The following NCBP3 variants were observed in gnomAD, a reference collection of about 807,000 sequenced individuals.
NCBP3 encodes the protein nuclear cap-binding protein subunit 3.
A neutral mutation model predicts 75.7 loss-of-function variants in NCBP3; 20 were observed. The observed-to-expected ratio is 0.26, with a 90% confidence interval of 0.19 to 0.38. The LOEUF (loss-of-function observed/expected upper bound fraction) is 0.38, where lower values mean the gene tolerates loss of function less well. NCBP3 is among the 10% of genes least tolerant of loss of function. The pLI is 1.00. For missense variants in NCBP3, 678 were observed against 796.9 expected, an observed-to-expected ratio of 0.85 and a Z score of 1.80; for synonymous variants, 293 against 290.5, an observed-to-expected ratio of 1.01 and a Z score of -0.09.
At chr17:3,822,114 T>C in intron 7 of NCBP3, 62 bp from the exon 8 acceptor site, 1 of 1,167,144 alleles carries the variant, frequency 8.6e-7, no homozygotes, top group Non-Finnish European at 1.3e-6. Flanking sequence ...ATGTTGAATT[T>C]TTTTTTTAAT....
At chr17:3,815,379 G>A (rs866259425) in intron 11 of NCBP3, among the ~76,000 whole-genome samples, 7 of 152,252 alleles carry the variant, frequency 4.6e-5, no homozygotes, top group Middle Eastern at 6.8e-3. Context: ...ACGGCTCTGC[G>A]TCCCCTCCAA....
Position 3,832,548 on chromosome 17 carries a change from T to G in NCBP3, c.356-3180A>C, listed in dbSNP as rs76369071. On this transcript the variant is annotated intron_variant, in intron 3 of 12. Transcript: ENST00000389005. The stretch of plus-strand genomic sequence containing the variant: ...CGGGAGGCTGAGGCAGGAGAATCAC[T>G]TGAACCCGGGAGGCGGAGGTTGCAG... 3.8e-3 allele frequency among the ~76,000 whole-genome samples: 249 copies of G among 65,462 alleles called. 58 individuals carry two copies. The highest frequency in any genetic ancestry group is 0.024 in the Middle Eastern group (2 of 84). 42.9% of individuals were successfully genotyped at this position (65,462 alleles called of 152,430 possible). A position where few individuals can be genotyped will look rare whatever the true frequency, so the allele number is the denominator to read the frequency against.
At chr17:3,840,293 T>C (rs772623371) in intron 2 of NCBP3, 88 bp from the exon 3 acceptor site, 5 of 1,064,822 alleles carry the variant, frequency 4.7e-6, no homozygotes, top group Non-Finnish European at 7.0e-6. Flanking sequence ...GTGACAAACC[T>C]GAACTAAAAA....
intron 10 of NCBP3, among the ~76,000 whole-genome samples, chr17:3,816,554 C>T (rs922118508): frequency 1.3e-5 from 2 of 152,208 alleles, no homozygotes; most frequent in African/African-American, 4.8e-5. Context: ...CTGGGACAAA[C>T]GTTAAGTAGA....
At chr17:3,819,064 T>C (rs1405255874) in intron 9 of NCBP3, among the ~76,000 whole-genome samples, 2 of 152,114 alleles carry the variant, frequency 1.3e-5, no homozygotes, top group East Asian at 3.9e-4. Flanking sequence ...CTGTGCCTGC[T>C]GCTAGTGATT....
chr17:3,840,033 A>G (rs1462569270), intron 3 of NCBP3, 67 bp downstream of exon 3: 3 of 1,226,348 alleles, frequency 2.4e-6, no homozygotes, highest in African/African-American at 1.5e-5. Flanking sequence ...CAGAAGCATG[A>G]GGTGATGGCA....
Position 3,808,246 on chromosome 17 carries a change from A to G in NCBP3, c.*4798T>C, listed in dbSNP as rs1228871506. 1.3e-5 allele frequency: 2 copies of G among 152,262 alleles called. No homozygotes were observed. Among genetic ancestry groups the G allele is most frequent in the East Asian group, 1.9e-4 (1 of 5,204 alleles). The allele number at this position is 152,262 out of a possible 1,614,324, so 9.4% of individuals were successfully genotyped here. On this transcript the variant is annotated 3_prime_UTR_variant, in exon 13 of 13. Coordinates refer to ENST00000389005, the MANE Select transcript of NCBP3 (RefSeq NM_001114118.3). ...CAATCACTTCACCTGGTACTCAACCAAACAGTAATGTGTTCCCACATGGGC... is the reference window on the plus strand; with the variant it reads ...CAATCACTTCACCTGGTACTCAACCGAACAGTAATGTGTTCCCACATGGGC...
chr17:3,825,148 A>G, intron 6 of NCBP3, 98 bp from the exon 7 acceptor site: 1 of 619,424 alleles, frequency 1.6e-6, no homozygotes, highest in Non-Finnish European at 2.7e-6. Context: ...TACCTTTAAT[A>G]CTTACAAGCA....
intron 2 of NCBP3, among the ~76,000 whole-genome samples, chr17:3,842,806 C>T (rs1272470153): frequency 6.6e-6 from 1 of 152,088 alleles, no homozygotes; most frequent in East Asian, 1.9e-4. Flanking sequence ...CTACCACACC[C>T]GACTAATTTT....
chr17:3,846,023 C>G lies in NCBP3; in HGVS notation c.183+18G>C, dbSNP rs749702089. 1.4e-5 allele frequency: 22 copies of G among 1,545,180 alleles called. No individual in the cohort carries two copies. The African/African-American group carries it at 1.7e-4, about 12-fold the overall frequency. On this transcript the variant is annotated intron_variant, in intron 1 of 12. Transcript: ENST00000389005. This position sits in a 1 kb window ranked among gnomAD's most constrained non-coding sequence, Gnocchi z 4.6. ...TAGCCCCGCGACCTCTTCCTTACCC[C>G]CCGACCCCCGCCCGTACCGGGATCA...
chr17:3,834,247 T>G (rs978649693), intron 3 of NCBP3, among the ~76,000 whole-genome samples: 1 of 152,158 alleles, frequency 6.6e-6, no homozygotes, highest in African/African-American at 2.4e-5. Flanking sequence ...GACCATAGAC[T>G]GTCCAGGGAA....
chr17:3,813,460 G>A (rs973496166), intron 12 of NCBP3, among the ~76,000 whole-genome samples, 181 bp from the exon 13 acceptor site: 13 of 152,192 alleles, frequency 8.5e-5, no homozygotes, highest in African/African-American at 2.7e-4. Context: ...GCCCCTGCCC[G>A]CAAACGGAAG....
chr17:3,814,308 TA>T lies in NCBP3; in HGVS notation c.1627+13del, dbSNP rs755849415. 6.2e-7 allele frequency: 1 copy of T among 1,613,662 alleles called. No homozygotes were observed. Among genetic ancestry groups the T allele is most frequent in the East Asian group, 2.2e-5 (1 of 44,880 alleles). On this transcript the variant is annotated intron_variant, in intron 12 of 12. Coordinates refer to ENST00000389005, the MANE Select transcript of NCBP3 (RefSeq NM_001114118.3). ...ACTGAATCCCCATTCCCATCCGTTT[TA>T]AGTGTTACCAACCTGATTTCTTCTC...
chr17:3,840,839 A>G (rs2054051457), intron 2 of NCBP3, among the ~76,000 whole-genome samples: 1 of 152,348 alleles, frequency 6.6e-6, no homozygotes, highest in South Asian at 2.1e-4. Context: ...GTGTCCACGG[A>G]ATCACCAGTT....
Position 3,812,116 on chromosome 17 carries a change from TA to T in NCBP3, c.*927del, listed in dbSNP as rs1425550707. Reference sequence around the variant, plus strand: ...GACAGACTATACAACTAGGAGCATTTAAAAATAATAAGACTCCTCTCTCTGC... The same window carrying T: ...GACAGACTATACAACTAGGAGCATTTAAAATAATAAGACTCCTCTCTCTGC... On this transcript the variant is annotated 3_prime_UTR_variant, in exon 13 of 13. Coordinates refer to ENST00000389005, the MANE Select transcript of NCBP3 (RefSeq NM_001114118.3). The T allele has an allele frequency of 6.6e-6, 1 of 152,142 alleles. No individual in the cohort carries two copies. Among genetic ancestry groups the T allele is most frequent in the Non-Finnish European group, 1.5e-5 (1 of 68,026 alleles). 9.4% of individuals were successfully genotyped at this position (152,142 alleles called of 1,614,324 possible).
At chr17:3,826,039 G>A in intron 5 of NCBP3, 48 bp downstream of exon 5, 1 of 1,534,358 alleles carries the variant, frequency 6.5e-7, no homozygotes, top group Non-Finnish European at 8.8e-7. Flanking sequence ...ACAGGACTGT[G>A]TAAAGAAGAG....
Position 3,810,632 on chromosome 17 carries a change from C to G in NCBP3, c.*2412G>C, listed in dbSNP as rs530249412. ...GGACACACTCAAGATGTTGCAAGAT[C>G]TGAGTGACTGAGAGTGGGCAGGAGG... On this transcript the variant is annotated 3_prime_UTR_variant, in exon 13 of 13. Transcript: ENST00000389005. 1.1e-4 allele frequency: 17 copies of G among 152,312 alleles called. No individual in the cohort carries two copies. The highest frequency in any genetic ancestry group is 3.3e-4 in the Admixed American group (5 of 15,302). 9.4% of individuals were successfully genotyped at this position (152,312 alleles called of 1,614,324 possible).
chr17:3,826,624 T>C (rs979696041), intron 4 of NCBP3, among the ~76,000 whole-genome samples: 2 of 146,772 alleles, frequency 1.4e-5, no homozygotes, highest in East Asian at 2.1e-4. Flanking sequence ...GGGTGAGACT[T>C]TGTCTCAAAA....
rs1462697863 is a variant in NCBP3 at position 3,802,493 on chromosome 17, A to G, written c.*10551T>C. 1.3e-5 allele frequency: 2 copies of G among 152,240 alleles called. No homozygotes were observed. The highest frequency in any genetic ancestry group is 2.9e-5 in the Non-Finnish European group (2 of 68,054). 9.4% of individuals were successfully genotyped at this position (152,240 alleles called of 1,614,324 possible). ...CACCGGTTTCCATCCTGTATGAAAC[A>G]GAAGTTAAACAGTTGTAAAAGCAAA... On this transcript the variant is annotated 3_prime_UTR_variant, in exon 13 of 13. Transcript: ENST00000389005.
Sources: allele counts gnomAD v4.1 joint callset (sites outside exome capture counted in the v4.1 genomes callset), GRCh38; gene constraint gnomAD v4.1.1; non-coding constraint Gnocchi (gnomAD v3.1); transcripts MANE v1.5; gene names NCBI Gene and HGNC (gene_info 2026-07-23, HGNC 2026-07-21).